MYH11: variants seen among roughly 807,000 people sequenced by gnomAD.
MYH11 encodes the protein myosin heavy chain 11.
A neutral mutation model predicts 246.6 loss-of-function variants in MYH11; 80 were observed. The observed-to-expected ratio is 0.32, with a 90% CI of 0.27 to 0.39. The LOEUF (loss-of-function observed/expected upper bound fraction) is 0.39. Ranked by LOEUF, MYH11 falls within the 10% of genes least tolerant of loss-of-function variation. The pLI, the probability that MYH11 is intolerant of heterozygous loss-of-function variation, is 1.00. For missense variants in MYH11, 2,158 were observed against 2,546.8 expected, an observed-to-expected ratio of 0.85 and a Z score of 3.29; for synonymous variants, 1,071 against 1,015.5, an observed-to-expected ratio of 1.05 and a Z score of -1.04.
At chr16:15,775,911 C>A in intron 8 of MYH11, 167 bp downstream of exon 8, 1 of 684,034 alleles carries the variant, frequency 1.5e-6, no homozygotes, top group Non-Finnish European at 2.7e-6. Context: ...GAACACAAGC[C>A]ACACTCACTC....
At chr16:15,728,958 T>C (rs373763011) in intron 27 of MYH11, among the ~76,000 whole-genome samples, 10 of 151,432 alleles carry the variant, frequency 6.6e-5, no homozygotes, top group African/African-American at 2.4e-4. Context: ...TTCCAGGTTG[T>C]AGAGAAGGGG....
rs112498642 is a variant in MYH11 at position 15,743,237 on chromosome 16, C to T, written c.2521-1346G>A. Among the ~76,000 whole-genome samples, 291 of 152,286 alleles carry T rather than the reference C, an allele frequency of 1.9e-3. 4 individuals carry two copies. The highest frequency in any genetic ancestry group is 0.017 in the Middle Eastern group (5 of 294). On this transcript the variant is annotated intron_variant, in intron 20 of 40. Coordinates refer to ENST00000300036, the MANE Select transcript of MYH11 (RefSeq NM_002474.3). The stretch of plus-strand genomic sequence containing the variant: ...AGGCTGGAGTGCAGTGGCACGATCT[C>T]AGCTCACTGAAACCTCTGCCTCCTC...
At chr16:15,722,304 A>G (rs184067704) in intron 31 of MYH11, among the ~76,000 whole-genome samples, 16 of 152,336 alleles carry the variant, frequency 1.1e-4, no homozygotes, top group African/African-American at 3.8e-4. Context: ...AAGTATCCTA[A>G]GAGCCTCAGT....
rs746491351 is a variant in MYH11, at chr16:15,719,225, C to T, written c.5166G>A (p.Ser1722=). ...TCCTCCATTCAGTTTCCTACCTTCCCGACAGGCTACTGGCCAGCTCCTCTG... is the reference window on the plus strand; with the variant it reads ...TCCTCCATTCAGTTTCCTACCTTCCTGACAGGCTACTGGCCAGCTCCTCTG... ...ELAEELASSL[S]GRNALQDEKR... is the part of the protein sequence containing the mutation. Residue 1722 remains serine, a synonymous_variant, in exon 36 of 41, where the codon TCG becomes TCA. Transcript: ENST00000300036. The T allele has an allele frequency of 1.7e-5, 27 of 1,613,544 alleles. No homozygotes were observed. In the Admixed American group the frequency reaches 1.8e-4, roughly 11 times the overall value.
Position 15,804,974 on chromosome 16 carries a change from T to C in MYH11, c.503-6287A>G, listed in dbSNP as rs796366483. Among the ~76,000 whole-genome samples, 4 of 152,364 alleles carry C rather than the reference T, an allele frequency of 2.6e-5. No homozygotes were observed. The South Asian group carries it at 6.2e-4, about 24-fold the overall frequency. Reference sequence around the variant, plus strand: ...CATAGTGCTGCTATGAACATTCCTGTACAAGTTTTAGTTTGAGTACCTTTT... The same window carrying C: ...CATAGTGCTGCTATGAACATTCCTGCACAAGTTTTAGTTTGAGTACCTTTT... On this transcript the variant is annotated intron_variant, in intron 3 of 40. Transcript: ENST00000300036.
At chr16:15,852,751 A>G (rs191275470) in intron 1 of MYH11, among the ~76,000 whole-genome samples, 1 of 152,308 alleles carries the variant, frequency 6.6e-6, no homozygotes, top group Non-Finnish European at 1.5e-5. Context: ...TCATATAATT[A>G]GACAAAAAGT....
intron 1 of MYH11, among the ~76,000 whole-genome samples, chr16:15,846,917 G>A (rs2044204593): frequency 6.6e-6 from 1 of 152,090 alleles, no homozygotes. Flanking sequence ...TCATGCCACT[G>A]CACTGCAGCC....
At position 15,721,612 on chromosome 16, in the gene MYH11, A is replaced by T. The variant is rs2040488743; in HGVS notation, c.4388T>A (p.Ile1463Asn). ...FDQLLAEEKNISSKYADERDR... is the reference protein window; with the variant it reads ...FDQLLAEEKNNSSKYADERDR... ...CCTCTCATCCGCGTATTTGGAAGAG[A>T]TGTTTTTCTCCTCGGCTAACAACTA... The change falls in exon 32 of 41, where the codon ATC (isoleucine) becomes AAC (asparagine). Residue 1463 changes from isoleucine (I) to asparagine (N), a missense_variant. Ile to Asn is a moderately radical substitution (Grantham distance 149, BLOSUM62 -3). Around this residue, in one of 11 missense-constraint regions of MYH11, gnomAD observed 1,013 missense variants for 993.5 expected, o/e 1.02. Coordinates refer to ENST00000300036, the MANE Select transcript of MYH11 (RefSeq NM_002474.3). The T allele has an allele frequency of 6.2e-7, 1 of 1,613,988 alleles. No homozygotes were observed. Among genetic ancestry groups the T allele is most frequent in the Non-Finnish European group, 8.5e-7 (1 of 1,180,004 alleles).
chr16:15,821,014 G>A (rs751362525), intron 3 of MYH11, among the ~76,000 whole-genome samples: 12 of 152,072 alleles, frequency 7.9e-5, no homozygotes, highest in Non-Finnish European at 1.8e-4. Flanking sequence ...TGGGACTACA[G>A]GTATGTGCTA....
chr16:15,819,404 C>G (rs934435796), intron 3 of MYH11, among the ~76,000 whole-genome samples: 3 of 152,132 alleles, frequency 2.0e-5, no homozygotes, highest in Non-Finnish European at 2.9e-5. Flanking sequence ...GAGTAGTGGG[C>G]TTCATCTGTA....
intron 9 of MYH11, among the ~76,000 whole-genome samples, chr16:15,770,740 T>C (rs999400160): frequency 6.6e-6 from 1 of 152,160 alleles, no homozygotes; most frequent in Admixed American, 6.5e-5. Flanking sequence ...GCTGCATAGC[T>C]CAGGAATGTG....
chr16:15,750,037 TC>T lies in MYH11; in HGVS notation c.2058+100del. On this transcript the variant is annotated intron_variant, in intron 16 of 40. Transcript: ENST00000300036. This position sits in a 1 kb window ranked among gnomAD's most constrained non-coding sequence, Gnocchi z 4.3. The stretch of plus-strand genomic sequence containing the variant: ...AGCCTTCCCCACATGGAAAATGGGG[TC>T]CTCGGGGTAGGTGGGGGCAGAGGGC... 1 of 1,382,174 alleles carries T rather than the reference TC, an allele frequency of 7.2e-7. No homozygotes were observed. 85.6% of individuals were successfully genotyped at this position (1,382,174 alleles called of 1,614,324 possible).
rs1242041909 is a variant in MYH11, at chr16:15,784,727, G to A, written c.633+1903C>T. 1.9e-6 allele frequency: 3 copies of A among 1,613,784 alleles called. No individual in the cohort carries two copies. The highest frequency in any genetic ancestry group is 1.1e-5 in the South Asian group (1 of 91,048). On this transcript the variant is annotated intron_variant, in intron 5 of 40. Transcript: ENST00000300036. ...GCAAAAGATGGGCCTTGCTGTGGTT[G>A]AACAACACAGTATAAAACAAATGTC...
intron 3 of MYH11, among the ~76,000 whole-genome samples, chr16:15,800,095 G>T (rs1212576886): frequency 1.3e-5 from 2 of 151,754 alleles, no homozygotes; most frequent in Admixed American, 6.6e-5. Context: ...TGAGTAGGTG[G>T]GTGGGTGGAT....
chr16:15,782,307 C>T, intron 6 of MYH11, 78 bp downstream of exon 6: 2 of 1,265,712 alleles, frequency 1.6e-6, no homozygotes, highest in South Asian at 2.4e-5. Context: ...CCCACCTCTG[C>T]ACGCAAACAC....
At chr16:15,813,824 T>A (rs2043193525) in intron 3 of MYH11, among the ~76,000 whole-genome samples, 1 of 146,658 alleles carries the variant, frequency 6.8e-6, no homozygotes, top group Non-Finnish European at 1.5e-5. Context: ...AAGACCCCAT[T>A]CTCCACACAA....
At chr16:15,729,112 G>C (rs1473069567) in intron 27 of MYH11, among the ~76,000 whole-genome samples, 1 of 151,906 alleles carries the variant, frequency 6.6e-6, no homozygotes, top group East Asian at 1.9e-4. Flanking sequence ...GACCTCAGAT[G>C]GGGACAGGGA....
rs115654113 is a variant in MYH11 at position 15,752,180 on chromosome 16, T to C, written c.1864+1214A>G. 3.4e-3 allele frequency among the ~76,000 whole-genome samples: 510 copies of C among 152,158 alleles called. 1 individual carries two copies. Among genetic ancestry groups the C allele is most frequent in the African/African-American group, 0.012 (483 of 41,522 alleles). On this transcript the variant is annotated intron_variant, in intron 15 of 40. Coordinates refer to ENST00000300036, the MANE Select transcript of MYH11 (RefSeq NM_002474.3). ...AGAGGAGGGACTACAGGCTTCATCA[T>C]GTGTCCTGGGATGACACAGACCCAG...
At chr16:15,752,153 G>A (rs1166262426) in intron 15 of MYH11, among the ~76,000 whole-genome samples, 7 of 151,954 alleles carry the variant, frequency 4.6e-5, no homozygotes, top group South Asian at 2.1e-4. Context: ...TGTGGGTCCC[G>A]CAGAGGAGGG....
Sources: allele counts gnomAD v4.1 joint callset (sites outside exome capture counted in the v4.1 genomes callset), GRCh38; gene constraint gnomAD v4.1.1; regional missense constraint gnomAD v4.1.1; non-coding constraint Gnocchi (gnomAD v3.1); transcripts MANE v1.5; gene names NCBI Gene and HGNC (gene_info 2026-07-23, HGNC 2026-07-21).